The following RREB1 variants were observed in gnomAD, a reference collection of about 807,000 sequenced individuals.
The protein encoded by RREB1 is ras responsive element binding protein 1.
RREB1 carries 27 observed loss-of-function variants against 117.8 expected under a neutral mutation model. The observed-to-expected ratio is 0.23, with a 90% confidence interval of 0.17 to 0.32. The LOEUF is 0.32. RREB1 is among the 10% of genes least tolerant of loss of function. RREB1 has a pLI of 1.00. For missense variants in RREB1, 2,577 were observed against 2,378.2 expected, an observed-to-expected ratio of 1.08 and a Z score of -1.74; for synonymous variants, 1,298 against 1,026.7, an observed-to-expected ratio of 1.26 and a Z score of -5.05.
chr6:7,213,943 T>C (rs898936721), intron 8 of RREB1: 4 of 152,272 alleles, frequency 2.6e-5, no homozygotes, highest in Non-Finnish European at 1.5e-5. Flanking sequence ...TTCTGAGCAG[T>C]CCAAGCCTGC....
At chr6:7,152,523 G>A (rs1451200406) in intron 1 of RREB1, among the ~76,000 whole-genome samples, 1 of 152,136 alleles carries the variant, frequency 6.6e-6, no homozygotes, top group Admixed American at 6.5e-5. Flanking sequence ...TTATTCTCAA[G>A]TTTGATTTTA....
At chr6:7,109,866 G>C (rs947243897) in intron 1 of RREB1, among the ~76,000 whole-genome samples, 1 of 152,118 alleles carries the variant, frequency 6.6e-6, no homozygotes, top group East Asian at 1.9e-4. Flanking sequence ...TGTGGAGAGA[G>C]ACAAAAGGGT....
intron 1 of RREB1, among the ~76,000 whole-genome samples, chr6:7,161,399 C>G (rs1314821547): frequency 6.6e-6 from 1 of 152,112 alleles, no homozygotes; most frequent in African/African-American, 2.4e-5. Flanking sequence ...TTTAAAAACC[C>G]CAGGAGGCAA....
intron 1 of RREB1, among the ~76,000 whole-genome samples, chr6:7,137,300 C>CAGGAGACAG (rs1762383461): frequency 6.6e-6 from 1 of 152,120 alleles, no homozygotes; most frequent in Non-Finnish European, 1.5e-5. Context: ...CTTATAGACT[C>CAGGAGACAG]GGGTACAGGG....
chr6:7,140,738 G>T (rs1417612540), intron 1 of RREB1: 1 of 152,256 alleles, frequency 6.6e-6, no homozygotes, highest in African/African-American at 2.4e-5. Flanking sequence ...GGAAAGTTGC[G>T]AAGATAGAAC....
chr6:7,138,722 A>C (rs1762441920), intron 1 of RREB1, among the ~76,000 whole-genome samples: 1 of 152,238 alleles, frequency 6.6e-6, no homozygotes, highest in Non-Finnish European at 1.5e-5. Context: ...TTAAAAATCA[A>C]TATATGCTAG....
At chr6:7,181,739 T>C (rs1764806164) in intron 3 of RREB1, 131 bp from the exon 4 acceptor site, 1 of 747,208 alleles carries the variant, frequency 1.3e-6, no homozygotes, top group Admixed American at 2.2e-5. Context: ...GAATGTGGCC[T>C]TTAACTGGAG....
Position 7,246,405 on chromosome 6 carries a change from C to A in RREB1, c.3974-19C>A. 6.8e-7 allele frequency: 1 copy of A among 1,463,126 alleles called. No homozygotes were observed. Among genetic ancestry groups the A allele is most frequent in the Non-Finnish European group, 9.0e-7 (1 of 1,105,366 alleles). The allele number at this position is 1,463,126 out of a possible 1,614,324, so 90.6% of individuals were successfully genotyped here. ...TGGTGGTGCCCCTCTGAGCCCTCCC[C>A]GCTGTGCTTGCCCCACAGACAGTCA... On this transcript the variant is annotated intron_variant, in intron 11 of 12. Coordinates refer to ENST00000379938, the MANE Select transcript of RREB1 (RefSeq NM_001003699.4).
intron 1 of RREB1, among the ~76,000 whole-genome samples, chr6:7,173,431 T>C (rs1217765786): frequency 6.6e-6 from 1 of 151,328 alleles, no homozygotes; most frequent in Non-Finnish European, 1.5e-5. Context: ...AGGCGGAGAT[T>C]GCAGTGAGCC....
chr6:7,215,332 G>C (rs9505083), intron 8 of RREB1: 1 of 151,712 alleles, frequency 6.6e-6, no homozygotes, highest in African/African-American at 2.4e-5. Context: ...TCTAGTAGCC[G>C]TTTTTTATTT....
At chr6:7,206,353 T>C (rs1766270943) in intron 6 of RREB1, among the ~76,000 whole-genome samples, 1 of 152,224 alleles carries the variant, frequency 6.6e-6, no homozygotes, top group Non-Finnish European at 1.5e-5. Context: ...CAAGGCAAGT[T>C]ATAAGATGTC....
chr6:7,182,236 T>G, intron 4 of RREB1, 154 bp downstream of exon 4: 2 of 634,684 alleles, frequency 3.2e-6, no homozygotes, highest in Non-Finnish European at 5.3e-6. Context: ...GCAAAATTTT[T>G]ATGGCTTATG....
chr6:7,194,777 G>T (rs1165617382), intron 6 of RREB1, among the ~76,000 whole-genome samples: 1 of 152,164 alleles, frequency 6.6e-6, no homozygotes, highest in Non-Finnish European at 1.5e-5. Flanking sequence ...GGTTCTGAAG[G>T]TTTACAGTGT....
At chr6:7,181,827 C>T in intron 3 of RREB1, 43 bp from the exon 4 acceptor site, 1 of 1,434,968 alleles carries the variant, frequency 7.0e-7, no homozygotes, top group Non-Finnish European at 9.8e-7. Context: ...ATGACAGAAG[C>T]CTAAACTTCC....
At chr6:7,234,192 C>T (rs541392884) in intron 10 of RREB1, among the ~76,000 whole-genome samples, 8 of 152,216 alleles carry the variant, frequency 5.3e-5, no homozygotes, top group Non-Finnish European at 7.3e-5. Context: ...GAAGAAAATG[C>T]ATCTTCAAGA....
intron 1 of RREB1, among the ~76,000 whole-genome samples, chr6:7,142,586 C>G (rs752180685): frequency 2.6e-5 from 4 of 152,240 alleles, no homozygotes; most frequent in Non-Finnish European, 5.9e-5. Context: ...TGAGACAGTT[C>G]GTGGGGTCAG....
At chr6:7,122,874 C>T in intron 1 of RREB1, among the ~76,000 whole-genome samples, 1 of 151,978 alleles carries the variant, frequency 6.6e-6, no homozygotes, top group Non-Finnish European at 1.5e-5. Flanking sequence ...GGTGATAATA[C>T]ATTTAGAAAC....
intron 1 of RREB1, among the ~76,000 whole-genome samples, chr6:7,143,016 G>A (rs1239954713): frequency 6.6e-6 from 1 of 152,194 alleles, no homozygotes; most frequent in South Asian, 2.1e-4. Flanking sequence ...TTAGAAACAG[G>A]TCACTTTTAC....
At chr6:7,152,265 G>A (rs2113430366) in intron 1 of RREB1, among the ~76,000 whole-genome samples, 1 of 152,286 alleles carries the variant, frequency 6.6e-6, no homozygotes, top group South Asian at 2.1e-4. Context: ...AAATAATCCT[G>A]TTTTAGGGTG....
Sources: allele counts gnomAD v4.1 joint callset (sites outside exome capture counted in the v4.1 genomes callset), GRCh38; gene constraint gnomAD v4.1.1; transcripts MANE v1.5; gene names NCBI Gene and HGNC (gene_info 2026-07-23, HGNC 2026-07-21).